JAKMIP1: variants seen among roughly 807,000 people sequenced by gnomAD.
JAKMIP1 encodes the protein janus kinase and microtubule-interacting protein 1.
In JAKMIP1, 33 loss-of-function variants were observed where a neutral mutation model predicts 113.0. The observed-to-expected ratio is 0.29, with a 90% CI of 0.22 to 0.39. The LOEUF (loss-of-function observed/expected upper bound fraction) is 0.39. Among genes scored for constraint, JAKMIP1 ranks in the 10% least tolerant of loss-of-function variants. The pLI is 1.00. For missense variants in JAKMIP1, 813 were observed against 1,080.5 expected (o/e 0.75, Z 3.47); for synonymous variants, 480 against 459.9 (o/e 1.04, Z -0.56).
intron 3 of JAKMIP1, among the ~76,000 whole-genome samples, chr4:6,091,981 C>T (rs1722119165): frequency 6.6e-6 from 1 of 152,248 alleles, no homozygotes; most frequent in African/African-American, 2.4e-5. Context: ...CACTCACTAC[C>T]TCTCCAGGAG....
In JAKMIP1 at chr4:6,108,419, C is replaced by T. The variant is rs562930787; in HGVS notation, c.130-2452G>A. Reference sequence around the variant, plus strand: ...ACTTGGACTCTAAATGCAGCCACGGCACAAAGGCCAAGAGAGGGAGCATGC... The same window carrying T: ...ACTTGGACTCTAAATGCAGCCACGGTACAAAGGCCAAGAGAGGGAGCATGC... On this transcript the variant is annotated intron_variant, in intron 2 of 20. Coordinates refer to ENST00000409021, the MANE Select transcript of JAKMIP1 (RefSeq NM_001099433.2). This position sits in a 1 kb window ranked among gnomAD's most constrained non-coding sequence, Gnocchi z 5.6. Among the ~76,000 whole-genome samples the T allele has an allele frequency of 7.4e-4, 112 of 152,278 alleles. No homozygotes were observed. The highest frequency in any genetic ancestry group is 2.7e-3 in the African/African-American group (111 of 41,562).
chr4:6,099,613 T>G (rs1390193037), intron 3 of JAKMIP1, among the ~76,000 whole-genome samples: 2 of 152,172 alleles, frequency 1.3e-5, no homozygotes, highest in African/African-American at 4.8e-5. Context: ...TTGAATACAC[T>G]GAGAAAAAGA....
intron 1 of JAKMIP1, among the ~76,000 whole-genome samples, chr4:6,134,062 G>A (rs979162820): frequency 3.3e-5 from 5 of 152,214 alleles, no homozygotes; most frequent in Non-Finnish European, 5.9e-5. Context: ...TCCCCAGGTC[G>A]AGGGAGATGC....
At chr4:6,032,302 T>C (rs1712801695) in intron 19 of JAKMIP1, among the ~76,000 whole-genome samples, 1 of 152,224 alleles carries the variant, frequency 6.6e-6, no homozygotes, top group African/African-American at 2.4e-5. Context: ...GACAACCTGG[T>C]TCTCATTCTG....
intron 1 of JAKMIP1, among the ~76,000 whole-genome samples, chr4:6,147,735 G>T (rs1021975498): frequency 6.6e-5 from 10 of 152,248 alleles, no homozygotes; most frequent in Admixed American, 6.5e-4. Flanking sequence ...TCTGCCCAGA[G>T]GGCCCGGCCT....
In JAKMIP1 at chr4:6,116,781, A is replaced by G. The variant is rs940911797; in HGVS notation, c.-147-3784T>C. On this transcript the variant is annotated intron_variant, in intron 1 of 20. Transcript: ENST00000409021. The surrounding 1 kb of genome is among the most constrained non-coding windows in gnomAD (Gnocchi z 5.1). ...GAACGGTCTAGTCAGGAACACCACT[A>G]TGGAAATGAATACATAAAACAATGA... is the stretch of plus-strand genomic sequence containing the variant. Among the ~76,000 whole-genome samples, 1 of 152,184 alleles carries G rather than the reference A, an allele frequency of 6.6e-6. No homozygotes were observed.
At chr4:6,123,333 T>C (rs1014047509) in intron 1 of JAKMIP1, among the ~76,000 whole-genome samples, 1 of 152,172 alleles carries the variant, frequency 6.6e-6, no homozygotes, top group East Asian at 1.9e-4. Flanking sequence ...TCCTAGCAGC[T>C]GAGCTGTCTG....
chr4:6,035,064 T>A (rs1713226144), intron 19 of JAKMIP1, among the ~76,000 whole-genome samples: 1 of 152,166 alleles, frequency 6.6e-6, no homozygotes, highest in African/African-American at 2.4e-5. Context: ...AACTTGCCGA[T>A]CTTTATCTAC....
intron 1 of JAKMIP1, among the ~76,000 whole-genome samples, chr4:6,177,871 A>G (rs543589988): frequency 6.6e-6 from 1 of 152,198 alleles, no homozygotes; most frequent in South Asian, 2.1e-4. Context: ...CTCTGCCCAC[A>G]ACTCCTCTTC....
chr4:6,179,283 G>A lies in JAKMIP1; in HGVS notation c.-148+20970C>T, dbSNP rs1378121315. Among the ~76,000 whole-genome samples the A allele has an allele frequency of 7.2e-5, 11 of 152,230 alleles. No homozygotes were observed. In the South Asian group the frequency reaches 1.0e-3, roughly 14 times the overall value. ...AACCCCTAAATGACTGCTTAACCTC[G>A]TGGGGTCTTGGTTTCCTCCTACCAT... On this transcript the variant is annotated intron_variant, in intron 1 of 20. Transcript: ENST00000409021. The surrounding 1 kb of genome is among the most constrained non-coding windows in gnomAD (Gnocchi z 4.5).
intron 8 of JAKMIP1, among the ~76,000 whole-genome samples, chr4:6,078,728 T>G (rs1360205875): frequency 1.3e-5 from 2 of 152,156 alleles, no homozygotes; most frequent in Non-Finnish European, 2.9e-5. Context: ...AAGTTTTCCA[T>G]GAATAAATTA....
Position 6,042,596 on chromosome 4 carries a change from ACT to A in JAKMIP1, c.2029-371_2029-370del, listed in dbSNP as rs1430496530. Among the ~76,000 whole-genome samples the A allele has an allele frequency of 6.6e-6, 1 of 151,432 alleles. No homozygotes were observed. The highest frequency in any genetic ancestry group is 6.6e-5 in the Admixed American group (1 of 15,202). On this transcript the variant is annotated intron_variant, in intron 16 of 20. Transcript: ENST00000409021. This position sits in a 1 kb window ranked among gnomAD's most constrained non-coding sequence, Gnocchi z 5.2. ...TGCTTCACACAGGAGACCTCATCTGACTCTCTTACGACCACCCCAAGCAGTAG... is the reference window on the plus strand; with the variant it reads ...TGCTTCACACAGGAGACCTCATCTGACTCTTACGACCACCCCAAGCAGTAG...
At position 6,063,142 on chromosome 4, in the gene JAKMIP1, C is replaced by CA. The variant is rs780452045; in HGVS notation, c.1432-703dup. 8.1e-3 allele frequency among the ~76,000 whole-genome samples: 1,095 copies of CA among 135,960 alleles called. 14 individuals carry two copies. The highest frequency in any genetic ancestry group is 0.024 in the African/African-American group (901 of 36,932). 89.2% of individuals were successfully genotyped at this position (135,960 alleles called of 152,430 possible). On this transcript the variant is annotated intron_variant, in intron 9 of 20. Transcript: ENST00000409021. ...GGGCGACAGAGCTAGACTCCGTCTC[C>CA]AAAAAAAAAAAAATGGCCACATAAG...
rs1720392332 is a variant in JAKMIP1, at chr4:6,080,719, A to T, written c.1102-407T>A. ...CCCAGCCACGTGAAACTGTGAGTCC[A>T]TTAAACCTCTTTTTCTTTACAAATT... On this transcript the variant is annotated intron_variant, in intron 6 of 20. Coordinates refer to ENST00000409021, the MANE Select transcript of JAKMIP1 (RefSeq NM_001099433.2). The surrounding 1 kb of genome is among the most constrained non-coding windows in gnomAD (Gnocchi z 6.0). 6.6e-6 allele frequency among the ~76,000 whole-genome samples: 1 copy of T among 152,082 alleles called. No individual in the cohort carries two copies. The highest frequency in any genetic ancestry group is 1.5e-5 in the Non-Finnish European group (1 of 68,020).
chr4:6,101,033 C>T (rs528695344), intron 3 of JAKMIP1, among the ~76,000 whole-genome samples: 79 of 152,202 alleles, frequency 5.2e-4, no homozygotes, highest in South Asian at 6.2e-4. Context: ...TTTTGATGAA[C>T]AATGATTATT....
At chr4:6,063,942 C>T (rs996857740) in intron 9 of JAKMIP1, among the ~76,000 whole-genome samples, 4 of 152,216 alleles carry the variant, frequency 2.6e-5, no homozygotes, top group Non-Finnish European at 4.4e-5. Flanking sequence ...AGTGCTCCCT[C>T]GCGAGGTAGC....
chr4:6,173,489 CACA>C (rs2109026931), intron 1 of JAKMIP1, among the ~76,000 whole-genome samples: 1 of 152,294 alleles, frequency 6.6e-6, no homozygotes, highest in East Asian at 1.9e-4. Context: ...TGACCAAGAC[CACA>C]GGACTGACAG....
At chr4:6,149,356 G>A (rs1176995044) in intron 1 of JAKMIP1, among the ~76,000 whole-genome samples, 2 of 152,192 alleles carry the variant, frequency 1.3e-5, no homozygotes, top group Admixed American at 6.5e-5. Context: ...GACAAGCGGA[G>A]AAGAACTGCT....
At chr4:6,074,629 C>T (rs1477954845) in intron 8 of JAKMIP1, among the ~76,000 whole-genome samples, 3 of 152,166 alleles carry the variant, frequency 2.0e-5, no homozygotes, top group Non-Finnish European at 4.4e-5. Context: ...TGGTGTAGTG[C>T]TTGCATATAA....
Sources: allele counts gnomAD v4.1 joint callset (sites outside exome capture counted in the v4.1 genomes callset), GRCh38; gene constraint gnomAD v4.1.1; non-coding constraint Gnocchi (gnomAD v3.1); transcripts MANE v1.5; gene names NCBI Gene and HGNC (gene_info 2026-07-23, HGNC 2026-07-21).